The following UBA1 variants were observed in gnomAD, a reference collection of about 807,000 sequenced individuals.
UBA1 encodes the protein ubiquitin like modifier activating enzyme 1, also known as ubiquitin-like modifier-activating enzyme 1.
Under a neutral mutation model 84.7 loss-of-function variants are expected in UBA1, and 4 were observed. The observed-to-expected ratio is 0.05, with a 90% CI of 0.02 to 0.11. UBA1 has a LOEUF of 0.11. Ranked by LOEUF, UBA1 falls within the 10% of genes least tolerant of loss-of-function variation. The pLI is 1.00. For missense variants in UBA1, 513 were observed against 902.8 expected, an observed-to-expected ratio of 0.57 and a Z score of 5.53; for synonymous variants, 364 against 362.6, an observed-to-expected ratio of 1.00 and a Z score of -0.04.
At chrX:47,214,678 G>T in intron 25 of UBA1, 41 bp downstream of exon 25, 1 of 1,192,755 alleles carries the variant, frequency 8.4e-7, no homozygotes, top group Non-Finnish European at 1.1e-6. Context: ...GCCCTGTATG[G>T]GTTGGGGAGC....
At chrX:47,192,893 A>C (rs781869692), upstream of UBA1, among the ~76,000 whole-genome samples, 5 of 112,114 alleles carry the variant, frequency 4.5e-5, no homozygotes, top group African/African-American at 1.6e-4. Context: ...TCATAATAAC[A>C]CATTACTATC....
chrX:47,204,019 A>G (rs1340373869), intron 14 of UBA1, among the ~76,000 whole-genome samples: 11 of 108,476 alleles, frequency 1.0e-4, no homozygotes, highest in Non-Finnish European at 1.9e-4. Context: ...AAGTGTTGGT[A>G]TTACAGGCGT....
Position 47,209,694 on chromosome X carries a change from A to G in UBA1, c.2003+7A>G. 3 of 1,209,520 alleles carry G rather than the reference A, an allele frequency of 2.5e-6. No homozygotes were observed. The highest frequency in any genetic ancestry group is 3.4e-6 in the Non-Finnish European group (3 of 893,747). ...ATGTCAACCAGTACCTCACGTGAGT[A>G]ACTCGAGTGCCCTCTCGCCCTGTCC... On this transcript the variant is annotated splice_region_variant and intron_variant, in intron 17 of 25. Coordinates refer to ENST00000335972, the MANE Select transcript of UBA1 (RefSeq NM_003334.4).
intron 8 of UBA1, 112 bp downstream of exon 8, chrX:47,201,722 C>T: frequency 4.3e-6 from 4 of 922,162 alleles, no homozygotes; most frequent in Non-Finnish European, 6.2e-6. Context: ...TGGGAAGACA[C>T]ATCCTGGTGT....
At chrX:47,203,897 C>T (rs190416948) in intron 14 of UBA1, among the ~76,000 whole-genome samples, 10 of 108,939 alleles carry the variant, frequency 9.2e-5, no homozygotes, top group Non-Finnish European at 1.9e-4. Context: ...TACAGGCATG[C>T]GCCACCACGC....
intron 20 of UBA1, among the ~76,000 whole-genome samples, chrX:47,211,942 C>T (rs1261819143): frequency 1.8e-5 from 2 of 108,578 alleles, no homozygotes; most frequent in Non-Finnish European, 3.8e-5. Context: ...CCACCTGCCT[C>T]GCCCTCTGTA....
At position 47,199,362 on chromosome X, in the gene UBA1, T is replaced by G. The variant is rs781828321; in HGVS notation, c.330T>G (p.Ala110=). The G allele has an allele frequency of 2.1e-5, 25 of 1,212,204 alleles. No individual in the cohort carries two copies. Among genetic ancestry groups the G allele is most frequent in the Non-Finnish European group, 2.7e-5 (24 of 895,551 alleles). Residue 110 remains alanine, a synonymous_variant, in exon 4 of 26, where the codon GCT becomes GCG. Coordinates refer to ENST00000335972, the MANE Select transcript of UBA1 (RefSeq NM_003334.4). ...TLHDQGTAQW[A]DLSSQFYLRE... Reference sequence around the variant, plus strand: ...ATGACCAGGGCACTGCCCAGTGGGCTGATCTTTCCTCCCAGGTACCTCTTC... The same window carrying G: ...ATGACCAGGGCACTGCCCAGTGGGCGGATCTTTCCTCCCAGGTACCTCTTC...
At chrX:47,207,584 C>T (rs990974785) in intron 16 of UBA1, among the ~76,000 whole-genome samples, 1 of 111,251 alleles carries the variant, frequency 9.0e-6, no homozygotes, top group Admixed American at 9.6e-5. Context: ...CTAGGGATTA[C>T]CATTGTGCTG....
At chrX:47,212,731 C>T in intron 21 of UBA1, 40 bp from the exon 22 acceptor site, 2 of 1,121,996 alleles carry the variant, frequency 1.8e-6, no homozygotes, top group Non-Finnish European at 2.5e-6. Flanking sequence ...TTTATCTGAT[C>T]CTCTCCCCAC....
At chrX:47,214,689 C>T (rs1241320709) in intron 25 of UBA1, 52 bp downstream of exon 25, 2 of 1,191,156 alleles carry the variant, frequency 1.7e-6, no homozygotes, top group African/African-American at 3.5e-5. Context: ...GTTGGGGAGC[C>T]TCATCATCCA....
intron 1 of UBA1, chrX:47,197,449 T>G (rs567117676): frequency 1.3e-6 from 1 of 753,425 alleles, no homozygotes; most frequent in East Asian, 1.5e-4. Context: ...AGATGGAATC[T>G]TAGGTACATT....
intron 5 of UBA1, among the ~76,000 whole-genome samples, chrX:47,199,978 G>T (rs1012453775): frequency 9.1e-6 from 1 of 109,962 alleles, no homozygotes; most frequent in Non-Finnish European, 1.9e-5. Context: ...GTAGAGACGG[G>T]GTTTCACTGT....
At position 47,195,426 on chromosome X, in the gene UBA1, T is replaced by A. The variant is rs782147602; in HGVS notation, c.-1+1402T>A. 3.6e-5 allele frequency among the ~76,000 whole-genome samples: 4 copies of A among 110,666 alleles called. No individual in the cohort carries two copies. The East Asian group carries it at 1.1e-3, about 32-fold the overall frequency. The stretch of plus-strand genomic sequence containing the variant: ...CACCACGCCTGGCTAATTTTTTGTA[T>A]TTTTAGTAGAGATGGGGTTTCACCA... On this transcript the variant is annotated intron_variant, in intron 1 of 25. Coordinates refer to ENST00000335972, the MANE Select transcript of UBA1 (RefSeq NM_003334.4).
chrX:47,191,476 C>T (rs2147234549), upstream of UBA1: 1 of 111,680 alleles, frequency 9.0e-6, no homozygotes, highest in African/African-American at 3.3e-5. Flanking sequence ...GGAGAGGAGC[C>T]TCCCAGCTCA....
chrX:47,193,477 G>A (rs1255957133), upstream of UBA1, among the ~76,000 whole-genome samples: 4 of 111,911 alleles, frequency 3.6e-5, no homozygotes, highest in African/African-American at 1.3e-4. Flanking sequence ...TGGCTTCCAT[G>A]TTTTAACATC....
chrX:47,213,327 C>G, intron 23 of UBA1, 146 bp downstream of exon 23: 1 of 628,489 alleles, frequency 1.6e-6, no homozygotes, highest in Non-Finnish European at 2.4e-6. Context: ...ATTCATTAAT[C>G]ACATTATTTG....
At chrX:47,204,956 A>G (rs1287162753) in intron 14 of UBA1, 1 of 113,145 alleles carries the variant, frequency 8.8e-6, no homozygotes, top group Admixed American at 9.3e-5. Context: ...ACAGCAAACA[A>G]TAGACACAAT....
intron 14 of UBA1, among the ~76,000 whole-genome samples, 190 bp downstream of exon 14, chrX:47,203,886 C>T (rs922314788): frequency 9.2e-6 from 1 of 108,626 alleles, no homozygotes; most frequent in Non-Finnish European, 1.9e-5. Context: ...GTAGCTGGGA[C>T]TACAGGCATG....
chrX:47,198,739 A>T (rs1344149257), intron 1 of UBA1, 64 bp from the exon 2 acceptor site: 1 of 1,060,002 alleles, frequency 9.4e-7, no homozygotes, highest in Non-Finnish European at 1.3e-6. Context: ...CACAGTTGCT[A>T]CTAACAAACA....
Sources: gnomAD v4.1 joint callset for allele counts (sites outside exome capture counted in the v4.1 genomes callset) on GRCh38, gnomAD v4.1.1 for gene constraint, MANE v1.5 for transcripts, NCBI Gene and HGNC (gene_info 2026-07-23, HGNC 2026-07-21) for gene names.